Variants in PLBD1 observed in about 807,000 individuals in gnomAD.
PLBD1 encodes the protein lysosomal leucine aminopeptidase.
PLBD1 carries 60 observed loss-of-function variants against 63.0 expected under a neutral mutation model. The observed-to-expected ratio is 0.95, with a 90% CI of 0.77 to 1.18. The LOEUF (loss-of-function observed/expected upper bound fraction) is 1.18, where lower values mean the gene tolerates loss of function less well. Ranked by LOEUF, PLBD1 falls within the 50% of genes most tolerant of loss-of-function variation. The pLI, the probability that PLBD1 is intolerant of heterozygous loss-of-function variation, is 0.00. For synonymous variants in PLBD1, 262 were observed against 248.0 expected, an observed-to-expected ratio of 1.06 and a Z score of -0.53; for missense variants, 598 against 677.9, an observed-to-expected ratio of 0.88 and a Z score of 1.31.
At chr12:14,527,068 CAT>C (rs1447567765) in intron 6 of PLBD1, among the ~76,000 whole-genome samples, 4 of 152,136 alleles carry the variant, frequency 2.6e-5, no homozygotes, top group African/African-American at 9.7e-5. Context: ...AGGTTTAGAA[CAT>C]ATATATATTT....
At chr12:14,525,333 T>A (rs1565573699) in intron 6 of PLBD1, among the ~76,000 whole-genome samples, 1 of 151,684 alleles carries the variant, frequency 6.6e-6, no homozygotes, top group Non-Finnish European at 1.5e-5. Context: ...AGAAGATTAA[T>A]GGGAATCATC....
In PLBD1 at chr12:14,558,854, C is replaced by G. The variant is rs184249543; in HGVS notation, c.116-5442G>C. Among the ~76,000 whole-genome samples, 502 of 152,290 alleles carry G rather than the reference C, an allele frequency of 3.3e-3. 3 individuals carry two copies. Among genetic ancestry groups the G allele is most frequent in the African/African-American group, 0.012 (490 of 41,550 alleles). On this transcript the variant is annotated intron_variant, in intron 1 of 10. Coordinates refer to ENST00000240617, the MANE Select transcript of PLBD1 (RefSeq NM_024829.6). ...TGCAAATATGTGCTTTTTTGACACT[C>G]GTGTACCTCCATGAATGAAAAAACC...
chr12:14,520,762 A>T (rs946398919), intron 6 of PLBD1, among the ~76,000 whole-genome samples: 1 of 152,194 alleles, frequency 6.6e-6, no homozygotes, highest in East Asian at 1.9e-4. Context: ...CAGTCTCCCT[A>T]CGGAGAAAAC....
At chr12:14,545,623 C>G (rs1417140751) in intron 2 of PLBD1, among the ~76,000 whole-genome samples, 1 of 152,090 alleles carries the variant, frequency 6.6e-6, no homozygotes, top group Non-Finnish European at 1.5e-5. Flanking sequence ...GAATTGGAGG[C>G]CATTCTGGAT....
At chr12:14,567,558 C>T in intron 1 of PLBD1, 24 bp downstream of exon 1, 2 of 1,480,138 alleles carry the variant, frequency 1.4e-6, no homozygotes, top group Non-Finnish European at 1.8e-6. Context: ...CGGGCGCCCC[C>T]CGCCCAGGGC....
chr12:14,540,106 T>TTTTATATATATATA (rs71448876), intron 4 of PLBD1, among the ~76,000 whole-genome samples: 5,480 of 63,718 alleles, frequency 0.086, 887 homozygotes, highest in Middle Eastern at 0.13. Flanking sequence ...AATATAAATA[T>TTTTATATATATATA]TATTTATATA....
intron 10 of PLBD1, 104 bp from the exon 11 acceptor site, chr12:14,504,058 T>A: frequency 9.7e-7 from 1 of 1,027,862 alleles, no homozygotes; most frequent in Non-Finnish European, 1.4e-6. Context: ...CAATATTAGC[T>A]TTTTTTTTGA....
In PLBD1 at chr12:14,529,764, C is replaced by A. The variant is rs532865484; in HGVS notation, c.844+5895G>T. On this transcript the variant is annotated intron_variant, in intron 6 of 10. Coordinates refer to ENST00000240617, the MANE Select transcript of PLBD1 (RefSeq NM_024829.6). ...TTATGGTCTCCATTATTCTGGAGGTCTTCTCCAGCACAATCATACAAAAAA... is the reference window on the plus strand; with the variant it reads ...TTATGGTCTCCATTATTCTGGAGGTATTCTCCAGCACAATCATACAAAAAA... Among the ~76,000 whole-genome samples the A allele has an allele frequency of 3.3e-5, 5 of 152,210 alleles. No individual in the cohort carries two copies. The East Asian group carries it at 9.7e-4, about 29-fold the overall frequency.
intron 6 of PLBD1, chr12:14,530,122 T>C (rs1394170765): frequency 6.6e-6 from 1 of 152,200 alleles, no homozygotes; most frequent in Non-Finnish European, 1.5e-5. Flanking sequence ...TTCTGCCTTG[T>C]TCTTTTGGAT....
In PLBD1 at chr12:14,503,928, C is replaced by T; in HGVS notation, c.1506G>A (p.Gln502=). The change falls in exon 11 of 11, where the codon CAG becomes CAA. Residue 502 remains glutamine (Q), a synonymous_variant. Transcript: ENST00000240617. The part of the protein sequence containing the change: ...TKVADIYLAS[Q]YTSYAISGPT... ...GACCACTTATGGCATAGGATGTGTA[C>T]TGAGATGCTAGGTAGATATCTGCCA... 1 of 1,611,792 alleles carries T rather than the reference C, an allele frequency of 6.2e-7. No homozygotes were observed. The highest frequency in any genetic ancestry group is 8.5e-7 in the Non-Finnish European group (1 of 1,178,984).
In PLBD1 at chr12:14,506,602, AAC is replaced by A. The variant is rs1449280430; in HGVS notation, c.1372+329_1372+330del. Reference sequence around the variant, plus strand: ...ATACAAAAAAAATGAGGTATTTATGAACAATGTTTTGTTTTATTAGCTGCTGT... The same window carrying A: ...ATACAAAAAAAATGAGGTATTTATGAAATGTTTTGTTTTATTAGCTGCTGT... On this transcript the variant is annotated intron_variant, in intron 9 of 10. Coordinates refer to ENST00000240617, the MANE Select transcript of PLBD1 (RefSeq NM_024829.6). Among the ~76,000 whole-genome samples the A allele has an allele frequency of 3.3e-5, 5 of 152,244 alleles. No homozygotes were observed. In the South Asian group the frequency reaches 1.0e-3, roughly 31 times the overall value.
At chr12:14,546,811 C>T (rs1419154156) in intron 2 of PLBD1, among the ~76,000 whole-genome samples, 1 of 152,138 alleles carries the variant, frequency 6.6e-6, no homozygotes, top group East Asian at 1.9e-4. Context: ...TAACCATATA[C>T]AAGACAGATA....
rs1418694338 is a variant in PLBD1 at position 14,553,183 on chromosome 12, G to T, written c.335+10C>A. ...CCTGGCAGTGGCTCTACCATGACTG[G>T]GATACTTACGGGGCAGTGAGGTAAC... On this transcript the variant is annotated intron_variant, in intron 2 of 10. Coordinates refer to ENST00000240617, the MANE Select transcript of PLBD1 (RefSeq NM_024829.6). 2.5e-6 allele frequency: 4 copies of T among 1,600,684 alleles called. No homozygotes were observed.
At chr12:14,553,061 T>A (rs1416065885) in intron 2 of PLBD1, 132 bp downstream of exon 2, 1 of 826,102 alleles carries the variant, frequency 1.2e-6, no homozygotes, top group Middle Eastern at 3.6e-4. Flanking sequence ...TCTGATAATG[T>A]CTCTATCACA....
At chr12:14,561,283 C>T (rs1367025669) in intron 1 of PLBD1, among the ~76,000 whole-genome samples, 5 of 151,862 alleles carry the variant, frequency 3.3e-5, no homozygotes, top group East Asian at 3.9e-4. Context: ...TCCTTCATCC[C>T]GTTGAAACAT....
intron 1 of PLBD1, among the ~76,000 whole-genome samples, chr12:14,567,191 A>G (rs1165217141): frequency 6.6e-6 from 1 of 152,252 alleles, no homozygotes; most frequent in East Asian, 1.9e-4. Flanking sequence ...AAGTCAATGT[A>G]AATTTTTAAA....
intron 1 of PLBD1, among the ~76,000 whole-genome samples, chr12:14,557,316 A>G (rs190975546): frequency 6.6e-6 from 1 of 152,228 alleles, no homozygotes; most frequent in East Asian, 1.9e-4. Flanking sequence ...CTGGGCATAT[A>G]CTCAAAGGAA....
chr12:14,517,051 A>AG (rs1209600730), intron 6 of PLBD1, among the ~76,000 whole-genome samples: 3 of 152,164 alleles, frequency 2.0e-5, no homozygotes, highest in Non-Finnish European at 4.4e-5. Flanking sequence ...ACAAAAAAAA[A>AG]GTCCTTTAAA....
At chr12:14,531,193 A>G (rs1256352450) in intron 6 of PLBD1, 1 of 152,222 alleles carries the variant, frequency 6.6e-6, no homozygotes, top group Non-Finnish European at 1.5e-5. Flanking sequence ...GCACGTGAAG[A>G]TTTGTTACAG....
Sources: gnomAD v4.1 joint callset for allele counts (sites outside exome capture counted in the v4.1 genomes callset) on GRCh38, gnomAD v4.1.1 for gene constraint, MANE v1.5 for transcripts, NCBI Gene and HGNC (gene_info 2026-07-23, HGNC 2026-07-21) for gene names.